JARID2: variants seen among roughly 807,000 people sequenced by gnomAD.
The protein encoded by JARID2 is jumonji and AT-rich interaction domain containing 2.
Under a neutral mutation model 125.6 loss-of-function variants are expected in JARID2, and 21 were observed. The observed-to-expected ratio is 0.17, with a 90% CI of 0.12 to 0.24. The LOEUF is 0.24. Ranked by LOEUF, JARID2 falls within the 10% of genes least tolerant of loss-of-function variation. The pLI is 1.00. For missense variants in JARID2, 1,303 were observed against 1,639.6 expected, an observed-to-expected ratio of 0.79 and a Z score of 3.55; for synonymous variants, 736 against 661.6, an observed-to-expected ratio of 1.11 and a Z score of -1.73.
At chr6:15,373,903 A>G (rs1764258304) in intron 1 of JARID2, among the ~76,000 whole-genome samples, 1 of 152,174 alleles carries the variant, frequency 6.6e-6, no homozygotes, top group Non-Finnish European at 1.5e-5. Flanking sequence ...TGTTGCTTTC[A>G]TTCTTTTTAA....
At chr6:15,475,162 T>C (rs973750930) in intron 5 of JARID2, among the ~76,000 whole-genome samples, 3 of 152,254 alleles carry the variant, frequency 2.0e-5, no homozygotes, top group Admixed American at 2.0e-4. Flanking sequence ...AAATTTCTTA[T>C]AATGGGATTT....
chr6:15,426,922 T>A (rs1766753396), intron 3 of JARID2, among the ~76,000 whole-genome samples: 1 of 152,198 alleles, frequency 6.6e-6, no homozygotes, highest in Admixed American at 6.5e-5. Flanking sequence ...ATAACTGGCC[T>A]GAGTAATGGG....
intron 1 of JARID2, among the ~76,000 whole-genome samples, chr6:15,298,803 A>T (rs1383483144): frequency 6.6e-6 from 1 of 152,016 alleles, no homozygotes; most frequent in African/African-American, 2.4e-5. Flanking sequence ...TGAGCTGCTG[A>T]AAATAAACTT....
At chr6:15,285,196 C>T (rs1253768672) in intron 1 of JARID2, among the ~76,000 whole-genome samples, 9 of 150,498 alleles carry the variant, frequency 6.0e-5, no homozygotes, top group African/African-American at 1.5e-4. Flanking sequence ...CTGCAACCTC[C>T]GCCTCTGGGG....
At chr6:15,388,328 G>A (rs944998618) in intron 2 of JARID2, among the ~76,000 whole-genome samples, 1 of 152,130 alleles carries the variant, frequency 6.6e-6, no homozygotes, top group Admixed American at 6.5e-5. Flanking sequence ...CCAGAAGAGT[G>A]ATTACTAGAT....
chr6:15,517,496 A>C (rs1259615670), intron 17 of JARID2, among the ~76,000 whole-genome samples: 3 of 152,184 alleles, frequency 2.0e-5, no homozygotes, highest in African/African-American at 7.2e-5. Context: ...ATGGGCTCTT[A>C]ACAGGGCTGA....
chr6:15,256,300 C>T (rs568640637), intron 1 of JARID2, among the ~76,000 whole-genome samples: 90 of 152,226 alleles, frequency 5.9e-4, no homozygotes, highest in Admixed American at 2.0e-3. Context: ...CAAGGCTTTA[C>T]GGATTAGAAG....
At chr6:15,325,654 TAC>T (rs1387848747) in intron 1 of JARID2, among the ~76,000 whole-genome samples, 1 of 152,184 alleles carries the variant, frequency 6.6e-6, no homozygotes, top group African/African-American at 2.4e-5. Flanking sequence ...AATTCTTATT[TAC>T]CGCCATAGAC....
At chr6:15,266,860 T>G (rs951072330) in intron 1 of JARID2, among the ~76,000 whole-genome samples, 1 of 152,222 alleles carries the variant, frequency 6.6e-6, no homozygotes, top group South Asian at 2.1e-4. Flanking sequence ...GGGCGCCAGC[T>G]GACCACTGGT....
chr6:15,396,629 C>T (rs915739100), intron 2 of JARID2, among the ~76,000 whole-genome samples: 1 of 152,160 alleles, frequency 6.6e-6, no homozygotes, highest in Non-Finnish European at 1.5e-5. Flanking sequence ...CAGTGCAGAG[C>T]ATTCACGTCC....
chr6:15,324,621 C>G (rs1270939513), intron 1 of JARID2: 1 of 151,148 alleles, frequency 6.6e-6, no homozygotes, highest in Non-Finnish European at 1.5e-5. Flanking sequence ...GTACTACAGG[C>G]GTGCACCACC....
chr6:15,301,954 G>A (rs939075394), intron 1 of JARID2, among the ~76,000 whole-genome samples: 1 of 152,176 alleles, frequency 6.6e-6, no homozygotes, highest in Non-Finnish European at 1.5e-5. Context: ...TTGGTCATTG[G>A]TAACTTAACA....
intron 1 of JARID2, among the ~76,000 whole-genome samples, chr6:15,256,649 G>A (rs1383698009): frequency 1.3e-5 from 2 of 152,112 alleles, no homozygotes; most frequent in African/African-American, 2.4e-5. Flanking sequence ...CTACTTGCTT[G>A]GTGAATGGAT....
rs1228491036 is a variant in JARID2 at position 15,496,154 on chromosome 6, C to G, written c.929C>G (p.Thr310Ser). The change falls in exon 7 of 18, where the codon ACT becomes AGT. Residue 310 changes from threonine (T) to serine (S), a missense_variant. Coordinates refer to ENST00000341776, the MANE Select transcript of JARID2 (RefSeq NM_004973.4). ...CAGGTTTCTAAGGTAAACGGAGTCA[C>G]TCGAATGTCATCTCTGGGTGCAGGT... ...RKQVSKVNGVTRMSSLGAGVT... is the reference protein window; with the variant it reads ...RKQVSKVNGVSRMSSLGAGVT... The G allele has an allele frequency of 1.2e-6, 2 of 1,613,230 alleles. No homozygotes were observed. Among genetic ancestry groups the G allele is most frequent in the Admixed American group, 3.3e-5 (2 of 59,988 alleles).
intron 1 of JARID2, among the ~76,000 whole-genome samples, chr6:15,290,120 A>G (rs893789094): frequency 6.6e-6 from 1 of 152,144 alleles, no homozygotes; most frequent in Non-Finnish European, 1.5e-5. Flanking sequence ...ATTACTCCAA[A>G]TGTGTTTCCT....
chr6:15,283,628 C>T (rs1299480830), intron 1 of JARID2, among the ~76,000 whole-genome samples: 2 of 152,062 alleles, frequency 1.3e-5, no homozygotes, highest in African/African-American at 4.8e-5. Flanking sequence ...AGGCGTGAGC[C>T]ACCGTGCCCG....
intron 3 of JARID2, among the ~76,000 whole-genome samples, chr6:15,429,519 T>A (rs527461929): frequency 1.3e-5 from 2 of 152,230 alleles, no homozygotes; most frequent in East Asian, 3.9e-4. Context: ...TCTTTGCACT[T>A]CAGCCTCCCA....
At chr6:15,341,191 A>G (rs1453637196) in intron 1 of JARID2, among the ~76,000 whole-genome samples, 1 of 152,214 alleles carries the variant, frequency 6.6e-6, no homozygotes, top group African/African-American at 2.4e-5. Flanking sequence ...GGAAAAGTAT[A>G]AAAAATTCAT....
chr6:15,277,149 C>A (rs931994606), intron 1 of JARID2, among the ~76,000 whole-genome samples: 1 of 152,088 alleles, frequency 6.6e-6, no homozygotes, highest in African/African-American at 2.4e-5. Context: ...TTTTGCAAAG[C>A]AGAATCTATT....
Sources: allele counts gnomAD v4.1 joint callset (sites outside exome capture counted in the v4.1 genomes callset), GRCh38; gene constraint gnomAD v4.1.1; transcripts MANE v1.5; gene names NCBI Gene and HGNC (gene_info 2026-07-23, HGNC 2026-07-21).